The following CSMD1 variants were observed in gnomAD, a reference collection of about 807,000 sequenced individuals.
CSMD1 encodes the protein CUB and sushi domain-containing protein 1.
In CSMD1, 213 loss-of-function variants were observed where a neutral mutation model predicts 417.5. The ratio of observed to expected loss-of-function variants is 0.51; its 90% CI spans 0.46 to 0.57. The LOEUF (loss-of-function observed/expected upper bound fraction) is 0.57, where lower values mean the gene tolerates loss of function less well. CSMD1 is among the 20% of genes least tolerant of loss of function. The probability of loss-of-function intolerance (pLI) is 0.00; values close to 1 mark genes in which losing one functional copy is unlikely to be tolerated. For missense variants in CSMD1, 6,923 were observed against 4,529.7 expected (o/e 1.53, Z -15.17); for synonymous variants, 2,862 against 1,736.8 (o/e 1.65, Z -16.11).
At chr8:3,778,476 T>C (rs954329161) in intron 5 of CSMD1, among the ~76,000 whole-genome samples, 5 of 152,240 alleles carry the variant, frequency 3.3e-5, no homozygotes, top group Non-Finnish European at 7.3e-5. Flanking sequence ...CAAGGGTTCC[T>C]GTCTTACGGT....
intron 1 of CSMD1, among the ~76,000 whole-genome samples, chr8:4,798,034 T>G (rs1316514590): frequency 6.6e-6 from 1 of 152,234 alleles, no homozygotes; most frequent in Non-Finnish European, 1.5e-5. Flanking sequence ...TTATTATACT[T>G]TAAGTTCTAG....
At chr8:4,452,043 G>T (rs1373208249) in intron 2 of CSMD1, among the ~76,000 whole-genome samples, 1 of 151,684 alleles carries the variant, frequency 6.6e-6, no homozygotes. Flanking sequence ...CACCAGAGGG[G>T]TGGAAGAGGA....
At chr8:3,829,511 G>C (rs972584837) in intron 5 of CSMD1, among the ~76,000 whole-genome samples, 3 of 152,038 alleles carry the variant, frequency 2.0e-5, no homozygotes, top group African/African-American at 7.2e-5. Context: ...TTGTCCCTCT[G>C]TCCTGCACCA....
In CSMD1 at chr8:2,973,167, C is replaced by A. The variant is rs1314916127; in HGVS notation, c.8873G>T (p.Arg2958Leu). Residue 2958 changes from arginine (R) to leucine (L), a missense_variant, in exon 57 of 70, where the codon CGC becomes CTC. Transcript: ENST00000635120. ...MGHQLRGSPERTCLLNGSWSG... is the reference protein window; with the variant it reads ...MGHQLRGSPELTCLLNGSWSG... ...CCATGACCCATTGAGCAAACACGTG[C>A]GTTCAGGGGAGCCCCTCAGCTGGTG... 3.7e-6 allele frequency: 6 copies of A among 1,613,612 alleles called. No individual in the cohort carries two copies. The highest frequency in any genetic ancestry group is 5.1e-6 in the Non-Finnish European group (6 of 1,179,734).
intron 5 of CSMD1, among the ~76,000 whole-genome samples, chr8:3,885,251 G>A (rs1046005883): frequency 3.3e-5 from 5 of 152,110 alleles, no homozygotes; most frequent in Non-Finnish European, 7.4e-5. Context: ...AGAAAATCCT[G>A]AAAAGCCTCT....
intron 3 of CSMD1, among the ~76,000 whole-genome samples, chr8:4,358,503 G>C (rs184313654): frequency 6.6e-6 from 1 of 152,168 alleles, no homozygotes; most frequent in Non-Finnish European, 1.5e-5. Context: ...CTCCTTTTGC[G>C]ATACCAGCAG....
intron 7 of CSMD1, among the ~76,000 whole-genome samples, chr8:3,643,471 G>A (rs910117394): frequency 6.6e-6 from 1 of 151,970 alleles, no homozygotes; most frequent in South Asian, 2.1e-4. Flanking sequence ...GGGAGGCCGA[G>A]GTAGGCGGAT....
rs868224228 is a variant in CSMD1 at position 4,661,983 on chromosome 8, A to C, written c.86-24425T>G. Among the ~76,000 whole-genome samples, 7 of 152,234 alleles carry C rather than the reference A, an allele frequency of 4.6e-5. No homozygotes were observed. The South Asian group carries it at 1.0e-3, about 22-fold the overall frequency. On this transcript the variant is annotated intron_variant, in intron 1 of 69. Coordinates refer to ENST00000635120, the MANE Select transcript of CSMD1 (RefSeq NM_033225.6). The stretch of plus-strand genomic sequence containing the variant: ...AGAGTTATTACAACATATTCAATAT[A>C]ATTTTGCTCTATTAGCAATGTTTGA...
At chr8:4,694,711 T>C (rs561909640) in intron 1 of CSMD1, among the ~76,000 whole-genome samples, 107 of 152,228 alleles carry the variant, frequency 7.0e-4, no homozygotes, top group African/African-American at 2.2e-3. Context: ...TTCCCTACAA[T>C]GTGTAACGTC....
At chr8:3,511,655 G>A (rs149362580) in intron 10 of CSMD1, among the ~76,000 whole-genome samples, 6 of 149,600 alleles carry the variant, frequency 4.0e-5, no homozygotes, top group Non-Finnish European at 8.8e-5. Flanking sequence ...CTACTCAGGA[G>A]GCAAAGGCAG....
At chr8:3,402,995 G>C (rs937030318) in intron 15 of CSMD1, among the ~76,000 whole-genome samples, 7 of 152,150 alleles carry the variant, frequency 4.6e-5, no homozygotes, top group Non-Finnish European at 1.0e-4. Flanking sequence ...AGATGGGATA[G>C]TATAGGCATT....
At chr8:3,567,234 C>T (rs1411322351) in intron 10 of CSMD1, among the ~76,000 whole-genome samples, 1 of 151,802 alleles carries the variant, frequency 6.6e-6, no homozygotes, top group East Asian at 1.9e-4. Context: ...TACATGGACA[C>T]AAAGAGGGAA....
chr8:3,372,002 G>A (rs566302659), intron 18 of CSMD1, among the ~76,000 whole-genome samples: 4 of 152,154 alleles, frequency 2.6e-5, no homozygotes, highest in Admixed American at 2.6e-4. Context: ...TAAAATATCT[G>A]CCCTTCTAAA....
intron 3 of CSMD1, among the ~76,000 whole-genome samples, chr8:4,390,235 T>C (rs1162278750): frequency 6.6e-6 from 1 of 152,164 alleles, no homozygotes; most frequent in Non-Finnish European, 1.5e-5. Context: ...TTTTGTGCCT[T>C]CTTCTTGGGG....
intron 3 of CSMD1, among the ~76,000 whole-genome samples, chr8:4,257,887 G>T (rs1803575788): frequency 6.6e-6 from 1 of 152,202 alleles, no homozygotes; most frequent in Non-Finnish European, 1.5e-5. Context: ...TGTTGCCTCT[G>T]TTGTGACCAG....
At chr8:4,362,360 C>T (rs1456246370) in intron 3 of CSMD1, among the ~76,000 whole-genome samples, 3 of 152,042 alleles carry the variant, frequency 2.0e-5, no homozygotes, top group Non-Finnish European at 4.4e-5. Context: ...CTGTCTGCCC[C>T]CTGCACTCAT....
chr8:3,172,813 T>C (rs11136586), intron 37 of CSMD1, among the ~76,000 whole-genome samples: 45,132 of 152,092 alleles, frequency 0.3, 6,934 homozygotes, highest in Middle Eastern at 0.38. Flanking sequence ...TCAGTTTCCA[T>C]TGAAACCCTT....
intron 5 of CSMD1, among the ~76,000 whole-genome samples, chr8:3,756,744 T>C (rs1263184548): frequency 6.6e-6 from 1 of 152,188 alleles, no homozygotes; most frequent in Admixed American, 6.5e-5. Context: ...TGAACATATA[T>C]ATTTTCTCAC....
intron 3 of CSMD1, among the ~76,000 whole-genome samples, chr8:4,165,302 G>T (rs1057241058): frequency 6.6e-6 from 1 of 152,240 alleles, no homozygotes; most frequent in East Asian, 1.9e-4. Flanking sequence ...TAAGTTCTGT[G>T]TGCCGGGTAT....
Sources: gnomAD v4.1 joint callset for allele counts (sites outside exome capture counted in the v4.1 genomes callset) on GRCh38, gnomAD v4.1.1 for gene constraint, MANE v1.5 for transcripts, NCBI Gene and HGNC (gene_info 2026-07-23, HGNC 2026-07-21) for gene names.